The following SV2C variants were observed in gnomAD, a reference collection of about 807,000 sequenced individuals.
The protein encoded by SV2C is solute carrier family 22 member B3.
Under a neutral mutation model 79.7 loss-of-function variants are expected in SV2C, and 49 were observed. The ratio of observed to expected loss-of-function variants is 0.61; its 90% CI spans 0.49 to 0.78. The LOEUF (loss-of-function observed/expected upper bound fraction) is 0.78. SV2C is among the 30% of genes least tolerant of loss of function. The probability of loss-of-function intolerance (pLI) is 0.00; values close to 1 mark genes in which losing one functional copy is unlikely to be tolerated. For missense variants in SV2C, 833 were observed against 912.9 expected (o/e 0.91, Z 1.13); for synonymous variants, 334 against 333.2 (o/e 1.00, Z -0.03).
chr5:76,002,882 T>A, the SV2C span, among the ~76,000 whole-genome samples: 1 of 151,414 alleles, frequency 6.6e-6, no homozygotes, highest in Admixed American at 6.6e-5. Flanking sequence ...TTTTAAAATA[T>A]GTAAATAAAG....
intron 2 of SV2C, chr5:76,173,569 A>G (rs547906470): frequency 3.3e-6 from 5 of 1,510,408 alleles, no homozygotes; most frequent in East Asian, 2.3e-5. Context: ...GAATGCTGGC[A>G]CTGTTGAATT....
the SV2C span, among the ~76,000 whole-genome samples, chr5:75,996,778 CTCTGTTTG>C: frequency 2.7e-5 from 4 of 150,904 alleles, no homozygotes; most frequent in Non-Finnish European, 5.9e-5. Context: ...TGATTTGGCT[CTCTGTTTG>C]TCTGTTATTG....
rs144151883 is a variant in SV2C, at chr5:76,352,766, C to T, written c.2001-364C>T. On this transcript the variant is annotated intron_variant, in intron 12 of 12. Coordinates refer to the SV2C transcript ENST00000322285. ...CTCTTTTGGTCTTTTTAATATGCAT[C>T]GGTACATTTTCCACAATTTTAATCA... 7.0e-4 allele frequency among the ~76,000 whole-genome samples: 107 copies of T among 152,248 alleles called. 1 individual carries two copies. Among genetic ancestry groups the T allele is most frequent in the East Asian group, 3.3e-3 (17 of 5,188 alleles).
the SV2C span, among the ~76,000 whole-genome samples, chr5:76,049,030 A>AAAG: frequency 6.8e-6 from 1 of 147,192 alleles, no homozygotes; most frequent in African/African-American, 2.5e-5. Flanking sequence ...AAAGAAAAAG[A>AAAG]AAAGAGGGAG....
chr5:75,854,010 A>C, the SV2C span, among the ~76,000 whole-genome samples: 7 of 151,696 alleles, frequency 4.6e-5, no homozygotes, highest in Non-Finnish European at 8.8e-5. Flanking sequence ...AAAAAAAAAA[A>C]ACCTCCTCTT....
intron 12 of SV2C, chr5:76,353,010 T>A (rs1749671347): frequency 2.5e-6 from 1 of 394,542 alleles, no homozygotes; most frequent in Non-Finnish European, 5.1e-6. Context: ...AGTGACATGA[T>A]CATAGCTCAC....
the SV2C span, among the ~76,000 whole-genome samples, chr5:76,059,753 G>T: frequency 1.1e-3 from 160 of 152,130 alleles, 1 homozygote; most frequent in Admixed American, 4.1e-3. Flanking sequence ...TTCTTTAATG[G>T]CATCTAAAGT....
At chr5:76,185,124 A>T (rs10038583) in intron 2 of SV2C, among the ~76,000 whole-genome samples, 105,626 of 152,160 alleles carry the variant, frequency 0.69, 37,956 homozygotes, top group East Asian at 0.91. Flanking sequence ...TTAAACCTTA[A>T]CATTCCAAAA....
the SV2C span, chr5:75,911,395 C>G: frequency 8.8e-7 from 1 of 1,129,952 alleles, no homozygotes; most frequent in Non-Finnish European, 1.3e-6. Context: ...AACCTATATC[C>G]AGAGGACGTC....
chr5:76,063,230 G>A, the SV2C span, among the ~76,000 whole-genome samples: 1 of 152,108 alleles, frequency 6.6e-6, no homozygotes, highest in Non-Finnish European at 1.5e-5. Context: ...TTGTTCTGTT[G>A]TCCTATGTGT....
At chr5:76,229,010 T>A in intron 4 of SV2C, among the ~76,000 whole-genome samples, 1 of 152,182 alleles carries the variant, frequency 6.6e-6, no homozygotes, top group East Asian at 1.9e-4. Flanking sequence ...CAGCTTTCTG[T>A]CAAACATTCC....
upstream of SV2C, among the ~76,000 whole-genome samples, chr5:76,082,631 TCCA>T (rs760430152): frequency 6.8e-4 from 60 of 87,660 alleles, no homozygotes; most frequent in South Asian, 1.6e-3. Flanking sequence ...TATCTCTCTC[TCCA>T]CCCCCCCCCC....
At chr5:76,084,986 T>C (rs907180044) in intron 1 of SV2C, among the ~76,000 whole-genome samples, 4 of 152,200 alleles carry the variant, frequency 2.6e-5, no homozygotes, top group African/African-American at 9.6e-5. Context: ...TTAAGGCTCA[T>C]GAGAGCCTTA....
chr5:76,041,693 T>G, the SV2C span, among the ~76,000 whole-genome samples: 15 of 152,158 alleles, frequency 9.9e-5, no homozygotes, highest in East Asian at 1.9e-3. Flanking sequence ...GGTCTGAAGG[T>G]GGTGGTGAGG....
intron 4 of SV2C, among the ~76,000 whole-genome samples, chr5:76,217,849 C>G (rs945763443): frequency 1.3e-5 from 2 of 152,062 alleles, no homozygotes; most frequent in African/African-American, 4.8e-5. Context: ...AAATCAGAAT[C>G]CTCCATTTTT....
At chr5:75,883,069 A>C in the SV2C span, among the ~76,000 whole-genome samples, 2 of 146,738 alleles carry the variant, frequency 1.4e-5, no homozygotes, top group Non-Finnish European at 3.0e-5. Context: ...ACATTTATGC[A>C]GCCAAAAAAC....
In SV2C at chr5:76,330,805, A is replaced by C. The variant is rs553955405; in HGVS notation, c.*5258A>C. 4 of 150,546 alleles carry C rather than the reference A, an allele frequency of 2.7e-5. No individual in the cohort carries two copies. Among genetic ancestry groups the C allele is most frequent in the African/African-American group, 9.7e-5 (4 of 41,146 alleles). 9.3% of individuals were successfully genotyped at this position (150,546 alleles called of 1,614,324 possible). On this transcript the variant is annotated 3_prime_UTR_variant, in exon 13 of 13. Transcript: ENST00000502798. ...ATTGCACTAAGATATTATTCAAGGA[A>C]AAGAATCAGGAGCAGAGATAGCCCC...
At chr5:75,998,802 C>G in the SV2C span, among the ~76,000 whole-genome samples, 69,768 of 151,548 alleles carry the variant, frequency 0.46, 16,836 homozygotes, top group Middle Eastern at 0.62. Flanking sequence ...ATCTCACTCT[C>G]ATTCTCTTTG....
chr5:76,338,433 G>A (rs1018841214), downstream of SV2C, among the ~76,000 whole-genome samples: 2 of 152,208 alleles, frequency 1.3e-5, no homozygotes. Context: ...GCAAATTCAG[G>A]TTTGGGTGGG....
Sources: gnomAD v4.1 joint callset for allele counts (sites outside exome capture counted in the v4.1 genomes callset) on GRCh38, gnomAD v4.1.1 for gene constraint, MANE v1.5 for transcripts, NCBI Gene and HGNC (gene_info 2026-07-23, HGNC 2026-07-21) for gene names.